Variants in UBE2R2 observed in about 807,000 individuals in gnomAD.
UBE2R2 encodes the protein ubiquitin-conjugating enzyme E2 R2.
Under a neutral mutation model 27.8 loss-of-function variants are expected in UBE2R2, and 1 was observed. The observed-to-expected ratio is 0.04, with a 90% confidence interval of 0.01 to 0.17. The LOEUF is 0.17. UBE2R2 is among the 10% of genes least tolerant of loss of function. The pLI, the probability that UBE2R2 is intolerant of heterozygous loss-of-function variation, is 1.00. For missense variants in UBE2R2, 100 were observed against 291.0 expected (o/e 0.34, Z 4.78); for synonymous variants, 106 against 113.3 (o/e 0.94, Z 0.41).
At chr9:33,846,677 A>T (rs1185662458) in intron 1 of UBE2R2, among the ~76,000 whole-genome samples, 1 of 152,224 alleles carries the variant, frequency 6.6e-6, no homozygotes, top group Non-Finnish European at 1.5e-5. Flanking sequence ...AGAACACCAC[A>T]TATGGTCTCT....
intron 2 of UBE2R2, among the ~76,000 whole-genome samples, chr9:33,897,678 T>A (rs1822146610): frequency 6.6e-6 from 1 of 152,014 alleles, no homozygotes; most frequent in Non-Finnish European, 1.5e-5. Context: ...AAAGGAAAGC[T>A]CATCTCAAAG....
At chr9:33,895,002 C>T (rs538716846) in intron 2 of UBE2R2, among the ~76,000 whole-genome samples, 1 of 152,136 alleles carries the variant, frequency 6.6e-6, no homozygotes, top group Admixed American at 6.5e-5. Flanking sequence ...ACCTGGCCTT[C>T]CCTATTATTG....
At chr9:33,898,177 C>G (rs915727619) in intron 2 of UBE2R2, among the ~76,000 whole-genome samples, 7 of 152,114 alleles carry the variant, frequency 4.6e-5, no homozygotes, top group Admixed American at 4.6e-4. Context: ...CCTCTGCCTC[C>G]CGGGTTCAAG....
upstream of UBE2R2, among the ~76,000 whole-genome samples, chr9:33,815,398 T>C (rs1825729821): frequency 6.6e-6 from 1 of 152,246 alleles, no homozygotes; most frequent in African/African-American, 2.4e-5. Flanking sequence ...AAGGGGGAAC[T>C]GGGCGCCAGG....
chr9:33,892,515 A>G (rs1489887051), intron 2 of UBE2R2, among the ~76,000 whole-genome samples: 1 of 152,180 alleles, frequency 6.6e-6, no homozygotes, highest in Non-Finnish European at 1.5e-5. Flanking sequence ...GGAGCTTTTT[A>G]TAAGTTCCTC....
chr9:33,908,380 CTTAT>C (rs1188977747), intron 3 of UBE2R2, among the ~76,000 whole-genome samples: 6 of 152,096 alleles, frequency 3.9e-5, no homozygotes, highest in Non-Finnish European at 5.9e-5. Flanking sequence ...CTTGCTTGGT[CTTAT>C]GTCTACTGCT....
Position 33,817,649 on chromosome 9 carries a change from C to A in UBE2R2, c.-109C>A. On this transcript the variant is annotated 5_prime_UTR_variant, in exon 1 of 5. Transcript: ENST00000263228. The stretch of plus-strand genomic sequence containing the variant: ...CGCCGGGTGTGTGAAGACCGGGGCC[C>A]GGTGCTGCCCGGCCGGAGGGCGAGC... 1 of 1,131,728 alleles carries A rather than the reference C, an allele frequency of 8.8e-7. No individual in the cohort carries two copies. Among genetic ancestry groups the A allele is most frequent in the Non-Finnish European group, 1.1e-6 (1 of 925,368 alleles). 70.1% of individuals were successfully genotyped at this position (1,131,728 alleles called of 1,614,324 possible). A position where few individuals can be genotyped will look rare whatever the true frequency, so the allele number is the denominator to read the frequency against.
intron 1 of UBE2R2, among the ~76,000 whole-genome samples, chr9:33,851,468 C>T (rs1820965382): frequency 6.6e-6 from 1 of 152,064 alleles, no homozygotes. Context: ...TCTCTTTCAG[C>T]CTGTAATTGT....
intron 4 of UBE2R2, among the ~76,000 whole-genome samples, chr9:33,913,287 A>G (rs1298056070): frequency 6.6e-6 from 1 of 152,018 alleles, no homozygotes; most frequent in African/African-American, 2.4e-5. Context: ...AGAAACAGAC[A>G]TGGTCTTACT....
chr9:33,902,347 C>T (rs1410610756), intron 3 of UBE2R2, among the ~76,000 whole-genome samples: 1 of 152,144 alleles, frequency 6.6e-6, no homozygotes, highest in Non-Finnish European at 1.5e-5. Flanking sequence ...CTACACCCGC[C>T]TTCTGAATCT....
At chr9:33,904,529 CA>C (rs1186543896) in intron 3 of UBE2R2, among the ~76,000 whole-genome samples, 1 of 152,128 alleles carries the variant, frequency 6.6e-6, no homozygotes, top group African/African-American at 2.4e-5. Flanking sequence ...CCTCAATGGA[CA>C]TATTTATAAC....
In UBE2R2 at chr9:33,919,167, A is replaced by C. The variant is rs1183432140; in HGVS notation, c.*1930A>C. 1 of 152,174 alleles carries C rather than the reference A, an allele frequency of 6.6e-6. No homozygotes were observed. Among genetic ancestry groups the C allele is most frequent in the Non-Finnish European group, 1.5e-5 (1 of 68,044 alleles). 9.4% of individuals were successfully genotyped at this position (152,174 alleles called of 1,614,324 possible). Reference sequence around the variant, plus strand: ...CAGCTTCGTAATACATTGTCAAGTTACCTGATTACAAACTCTCATAGATGT... The same window carrying C: ...CAGCTTCGTAATACATTGTCAAGTTCCCTGATTACAAACTCTCATAGATGT... On this transcript the variant is annotated 3_prime_UTR_variant, in exon 5 of 5. Transcript: ENST00000263228.
At chr9:33,856,343 T>A (rs1821100612) in intron 1 of UBE2R2, among the ~76,000 whole-genome samples, 1 of 152,222 alleles carries the variant, frequency 6.6e-6, no homozygotes, top group Non-Finnish European at 1.5e-5. Context: ...AGGCTTATGA[T>A]GTGAAACAGT....
chr9:33,859,795 T>TGAGAGAGA (rs1056972987), intron 1 of UBE2R2, among the ~76,000 whole-genome samples: 3 of 82,148 alleles, frequency 3.7e-5, no homozygotes, highest in African/African-American at 9.5e-5. Flanking sequence ...TGTGTGTGTG[T>TGAGAGAGA]GTGTGAGAGA....
intron 1 of UBE2R2, among the ~76,000 whole-genome samples, chr9:33,853,839 C>T (rs541197808): frequency 3.9e-4 from 56 of 145,222 alleles, no homozygotes; most frequent in African/African-American, 1.4e-3. Flanking sequence ...AATATTGGCA[C>T]GTGCCACCAC....
At chr9:33,887,821 C>T (rs1442579946) in intron 2 of UBE2R2, among the ~76,000 whole-genome samples, 1 of 152,136 alleles carries the variant, frequency 6.6e-6, no homozygotes, top group Non-Finnish European at 1.5e-5. Context: ...GGATTACAGG[C>T]ATGCGCCACC....
intron 1 of UBE2R2, among the ~76,000 whole-genome samples, chr9:33,848,826 G>C (rs1023270030): frequency 6.6e-6 from 1 of 151,566 alleles, no homozygotes; most frequent in Non-Finnish European, 1.5e-5. Context: ...CTGGTCTCGA[G>C]CTCTTGACCT....
rs573179762 is a variant in UBE2R2 at position 33,871,713 on chromosome 9, C to T, written c.178-15168C>T. 5.3e-5 allele frequency among the ~76,000 whole-genome samples: 8 copies of T among 152,090 alleles called. No individual in the cohort carries two copies. In the East Asian group the frequency reaches 1.2e-3, roughly 22 times the overall value. On this transcript the variant is annotated intron_variant, in intron 1 of 4. Transcript: ENST00000263228. ...TTGAGTGACGTCTCAGATTCATTTC[C>T]GTATTTATTTTTTTTGAGACGGAGT...
intron 1 of UBE2R2, among the ~76,000 whole-genome samples, chr9:33,874,964 G>A (rs1419494725): frequency 6.6e-6 from 1 of 151,958 alleles, no homozygotes; most frequent in Middle Eastern, 3.4e-3. Context: ...CACTGTACCC[G>A]GCCTCAAAAT....
Sources: gnomAD v4.1 joint callset for allele counts (sites outside exome capture counted in the v4.1 genomes callset) on GRCh38, gnomAD v4.1.1 for gene constraint, MANE v1.5 for transcripts, NCBI Gene and HGNC (gene_info 2026-07-23, HGNC 2026-07-21) for gene names.